Variants in REXO1 observed in about 807,000 individuals in gnomAD.
The protein encoded by REXO1 is RNA exonuclease 1 homolog.
REXO1 carries 42 observed loss-of-function variants against 102.6 expected under a neutral mutation model. That is an observed-to-expected ratio of 0.41 (90% confidence interval 0.32 to 0.53). The LOEUF (loss-of-function observed/expected upper bound fraction) is 0.53. REXO1 is among the 20% of genes least tolerant of loss of function. The pLI, the probability that REXO1 is intolerant of heterozygous loss-of-function variation, is 0.27. For synonymous variants in REXO1, 908 were observed against 779.1 expected (o/e 1.17, Z -2.76); for missense variants, 1,819 against 1,732.5 (o/e 1.05, Z -0.89).
In REXO1 at chr19:1,827,360, G is replaced by A. The variant is rs1160399914; in HGVS notation, c.1429C>T (p.Leu477Phe). Residue 477 changes from leucine to phenylalanine, a missense_variant, in exon 2 of 16, where the codon CTC becomes TTC. Transcript: ENST00000170168. ...PAAGRGPPRP[L>F]QLPDRKSTKA... is the part of the protein sequence containing the mutation. The stretch of plus-strand genomic sequence containing the variant: ...GTGCTCTTCCTGTCGGGCAGCTGGA[G>A]GGGGCGGGGTGGGCCTCTGCCGGCC... The A allele has an allele frequency of 6.5e-7, 1 of 1,548,646 alleles. No individual in the cohort carries two copies. Among genetic ancestry groups the A allele is most frequent in the Non-Finnish European group, 8.7e-7 (1 of 1,151,600 alleles).
chr19:1,839,106 A>G (rs901678222), intron 1 of REXO1, among the ~76,000 whole-genome samples: 2 of 152,008 alleles, frequency 1.3e-5, no homozygotes, highest in African/African-American at 4.8e-5. Context: ...AATACAAAAA[A>G]TTAGCTGGGC....
chr19:1,847,577 G>A (rs1404533007), intron 1 of REXO1, among the ~76,000 whole-genome samples: 6 of 152,150 alleles, frequency 3.9e-5, no homozygotes, highest in African/African-American at 1.4e-4. Flanking sequence ...CCACCATGAC[G>A]CTGTGAGGTG....
intron 3 of REXO1, 81 bp from the exon 4 acceptor site, chr19:1,823,866 G>C (rs1316630883): frequency 1.6e-6 from 1 of 612,988 alleles, no homozygotes; most frequent in Non-Finnish European, 2.4e-6. Flanking sequence ...TTGGGAGAGG[G>C]TGGCTGGAGC....
chr19:1,825,316 A>AC (rs1377431705), intron 3 of REXO1, among the ~76,000 whole-genome samples: 7 of 142,654 alleles, frequency 4.9e-5, no homozygotes, highest in East Asian at 2.1e-4. Context: ...AAAAAAAAAA[A>AC]AAAAAACAAC....
intron 1 of REXO1, among the ~76,000 whole-genome samples, chr19:1,847,829 G>T (rs2011618630): frequency 6.6e-6 from 1 of 152,234 alleles, no homozygotes; most frequent in African/African-American, 2.4e-5. Flanking sequence ...TCCGGGAAGC[G>T]GCGGGCGCCA....
chr19:1,829,134 AGCAGTGTGCCAGCGGTGGTGTGGTG>A (rs1275025957), intron 1 of REXO1, among the ~76,000 whole-genome samples: 3 of 152,192 alleles, frequency 2.0e-5, no homozygotes, highest in Non-Finnish European at 2.9e-5. Flanking sequence ...GAGGTGTGCC[AGCAGTGTGCCAGCGGTGGTGTGGTG>A]GCGGTGTGCC....
intron 1 of REXO1, among the ~76,000 whole-genome samples, chr19:1,846,830 C>T (rs2011563190): frequency 2.0e-5 from 3 of 152,160 alleles, no homozygotes; most frequent in African/African-American, 7.2e-5. Flanking sequence ...GAGGTCGAGG[C>T]CTCAAAGAGC....
At chr19:1,848,096 TGG>T in intron 1 of REXO1, 104 bp downstream of exon 1, 1 of 517,664 alleles carries the variant, frequency 1.9e-6, no homozygotes, top group Non-Finnish European at 2.9e-6. Context: ...CGCGAACGTG[TGG>T]GGAGGAGGCT....
At chr19:1,834,934 C>T (rs773533656) in intron 1 of REXO1, 3 of 423,400 alleles carry the variant, frequency 7.1e-6, no homozygotes, top group South Asian at 3.3e-5. Flanking sequence ...TGGGCTCCCC[C>T]ACCCTGCAGC....
rs776607292 is a variant in REXO1, at chr19:1,827,178, G to A, written c.1611C>T (p.Ser537=). 16 of 1,541,042 alleles carry A rather than the reference G, an allele frequency of 1.0e-5. No homozygotes were observed. The highest frequency in any genetic ancestry group is 1.7e-4 in the Middle Eastern group (1 of 5,986). ...EDEAAGPGVP[S]VWPSALPSLS... ...GGCTGGGGAGGGCAGAGGGCCACAC[G>A]CTCGGCACCCCTGGCCCTGCGGCCT... The change falls in exon 2 of 16, where the codon AGC becomes AGT. Residue 537 remains serine (S), a synonymous_variant. Transcript: ENST00000170168.
intron 1 of REXO1, among the ~76,000 whole-genome samples, chr19:1,847,543 G>C (rs528917416): frequency 6.6e-6 from 1 of 152,304 alleles, no homozygotes; most frequent in South Asian, 2.1e-4. Context: ...TCTCCTCCAA[G>C]AAACGCTGCC....
chr19:1,829,685 G>A (rs1312214811), intron 1 of REXO1, among the ~76,000 whole-genome samples: 1 of 151,978 alleles, frequency 6.6e-6, no homozygotes, highest in Non-Finnish European at 1.5e-5. Context: ...GCGCATGCCT[G>A]TAATCCCAGC....
Position 1,828,272 on chromosome 19 carries a change from G to A in REXO1, c.517C>T (p.Pro173Ser). The change falls in exon 2 of 16, where the codon CCT (proline) becomes TCT (serine). Residue 173 changes from proline to serine, a missense_variant. Pro to Ser is a moderately conservative substitution (Grantham distance 74). Coordinates refer to ENST00000170168, the MANE Select transcript of REXO1 (RefSeq NM_020695.4). ...AGYQPTPLAAPAEPGSKYSLA... is the reference protein window; with the variant it reads ...AGYQPTPLAASAEPGSKYSLA... ...GAGTACTTGCTGCCCGGCTCGGCAG[G>A]GGCGGCCAGTGGGGTGGGCTGGTAG... The A allele has an allele frequency of 6.2e-7, 1 of 1,606,698 alleles. No homozygotes were observed. Among genetic ancestry groups the A allele is most frequent in the African/African-American group, 1.3e-5 (1 of 74,912 alleles).
At chr19:1,820,619 C>T (rs1440113187) in intron 5 of REXO1, among the ~76,000 whole-genome samples, 1 of 152,190 alleles carries the variant, frequency 6.6e-6, no homozygotes, top group Non-Finnish European at 1.5e-5. Context: ...GCCATGGGGG[C>T]ACAAGGGAAC....
chr19:1,839,403 C>A (rs892911811), intron 1 of REXO1, among the ~76,000 whole-genome samples: 1 of 152,260 alleles, frequency 6.6e-6, no homozygotes, highest in African/African-American at 2.4e-5. Flanking sequence ...AGCCCTGCAG[C>A]CTCTTCCAGG....
intron 3 of REXO1, among the ~76,000 whole-genome samples, chr19:1,825,317 A>AC (rs1445235663): frequency 7.0e-6 from 1 of 143,240 alleles, no homozygotes; most frequent in South Asian, 2.2e-4. Flanking sequence ...AAAAAAAAAA[A>AC]AAAAACAACC....
Position 1,816,084 on chromosome 19 carries a change from G to A in REXO1, c.3648C>T (p.Asp1216=), listed in dbSNP as rs142716948. The change falls in exon 16 of 16, where the codon GAC becomes GAT. Residue 1216 remains aspartate, a synonymous_variant. Transcript: ENST00000170168. ...GCAGGCGTCATCGCTTGGTCTTGGC[G>A]TCTTCTCGAACCTTCCAGATCACCA... The part of the protein sequence containing the change: ...MHLVIWKVRE[D]AKTKR The A allele has an allele frequency of 1.6e-5, 25 of 1,546,570 alleles. No homozygotes were observed. The highest frequency in any genetic ancestry group is 4.9e-5 in the East Asian group (2 of 40,928).
Position 1,818,548 on chromosome 19 carries a change from A to G in REXO1, c.2950T>C (p.Ser984Pro). The G allele has an allele frequency of 1.2e-6, 2 of 1,612,166 alleles. No individual in the cohort carries two copies. Among genetic ancestry groups the G allele is most frequent in the Non-Finnish European group, 1.7e-6 (2 of 1,179,748 alleles). Reference sequence around the variant, plus strand: ...TCGTCCCGGATGCAGCGGCCTGAAGAGGACACGAGGTACTCGGTGCCACAG... The same window carrying G: ...TCGTCCCGGATGCAGCGGCCTGAAGGGGACACGAGGTACTCGGTGCCACAG... ...CRCGTEYLVS[S>P]SGRCIRDEEC... The change falls in exon 10 of 16, where the codon TCT (serine) becomes CCT (proline). Residue 984 changes from serine to proline, a missense_variant. Transcript: ENST00000170168.
intron 5 of REXO1, 115 bp from the exon 6 acceptor site, chr19:1,820,510 A>G: frequency 8.0e-7 from 1 of 1,251,634 alleles, no homozygotes; most frequent in East Asian, 2.5e-5. Flanking sequence ...GTGCGCTGGG[A>G]CAGATCAGCC....
Sources: allele counts gnomAD v4.1 joint callset (sites outside exome capture counted in the v4.1 genomes callset), GRCh38; gene constraint gnomAD v4.1.1; transcripts MANE v1.5; gene names NCBI Gene and HGNC (gene_info 2026-07-23, HGNC 2026-07-21).